CRACD: variants seen among roughly 807,000 people sequenced by gnomAD.
CRACD encodes capping protein-inhibiting regulator of actin dynamics.
A neutral mutation model predicts 106.8 loss-of-function variants in CRACD; 56 were observed. That is an observed-to-expected ratio of 0.52 (90% CI 0.42 to 0.66). CRACD has a LOEUF of 0.66. Ranked by LOEUF, CRACD falls within the 30% of genes least tolerant of loss-of-function variation. CRACD has a pLI of 0.00. For missense variants in CRACD, 1,730 were observed against 1,623.2 expected, an observed-to-expected ratio of 1.07 and a Z score of -1.13; for synonymous variants, 754 against 670.8, an observed-to-expected ratio of 1.12 and a Z score of -1.92.
chr4:56,247,574 G>A (rs1004577672), intron 2 of CRACD, among the ~76,000 whole-genome samples: 5 of 152,126 alleles, frequency 3.3e-5, no homozygotes, highest in Non-Finnish European at 7.4e-5. Context: ...AGCTGGGCAC[G>A]GTGGCTCATG....
intron 1 of CRACD, among the ~76,000 whole-genome samples, chr4:56,123,823 A>G (rs1031292046): frequency 2.0e-5 from 3 of 152,190 alleles, no homozygotes; most frequent in African/African-American, 2.4e-5. Context: ...CCTAGACTGT[A>G]TTCAGTAAAT....
intron 1 of CRACD, among the ~76,000 whole-genome samples, chr4:56,086,351 C>T (rs1231587279): frequency 6.6e-6 from 1 of 152,108 alleles, no homozygotes; most frequent in African/African-American, 2.4e-5. Context: ...AATCATGGCT[C>T]ATTACAGCCT....
chr4:56,092,444 A>G (rs1433000604), intron 1 of CRACD, among the ~76,000 whole-genome samples: 1 of 152,208 alleles, frequency 6.6e-6, no homozygotes, highest in African/African-American at 2.4e-5. Flanking sequence ...AAATTGAAGC[A>G]TTCTGTAAGT....
chr4:56,308,973 G>C, intron 5 of CRACD: 1 of 1,183,886 alleles, frequency 8.4e-7, no homozygotes, highest in South Asian at 1.3e-5. Flanking sequence ...TTCTACAAGG[G>C]GCCCCCCATC....
intron 2 of CRACD, among the ~76,000 whole-genome samples, chr4:56,264,321 C>T (rs1037326631): frequency 3.3e-5 from 5 of 151,976 alleles, no homozygotes; most frequent in African/African-American, 1.2e-4. Context: ...TTATAGTAGT[C>T]CCCCTGAATA....
At chr4:56,232,560 A>C (rs892578862) in intron 2 of CRACD, among the ~76,000 whole-genome samples, 4 of 152,166 alleles carry the variant, frequency 2.6e-5, no homozygotes, top group Non-Finnish European at 5.9e-5. Flanking sequence ...GCAATTACCC[A>C]AGTGTTTTCT....
chr4:56,083,696 T>G (rs1033849143), intron 1 of CRACD, among the ~76,000 whole-genome samples: 2 of 152,152 alleles, frequency 1.3e-5, no homozygotes. Context: ...TTTCCTAGGC[T>G]AGGTATGGTG....
chr4:56,110,993 G>A (rs1734103033), intron 1 of CRACD, among the ~76,000 whole-genome samples: 5 of 152,172 alleles, frequency 3.3e-5, no homozygotes, highest in Admixed American at 2.6e-4. Context: ...GTCACTCAGG[G>A]TGCAGTTTGG....
At chr4:56,289,114 C>T (rs775158443) in intron 3 of CRACD, among the ~76,000 whole-genome samples, 5 of 151,842 alleles carry the variant, frequency 3.3e-5, no homozygotes, top group African/African-American at 7.3e-5. Context: ...CCAGGGACTG[C>T]GGAGAGGGGA....
At chr4:56,325,783 TA>T (rs1188860377) in intron 10 of CRACD, among the ~76,000 whole-genome samples, 2 of 152,216 alleles carry the variant, frequency 1.3e-5, no homozygotes, top group African/African-American at 4.8e-5. Flanking sequence ...AAAGGGCGTC[TA>T]ATCTCTAGAC....
chr4:56,096,714 C>T (rs757214667), intron 1 of CRACD, among the ~76,000 whole-genome samples: 3 of 151,816 alleles, frequency 2.0e-5, no homozygotes, highest in African/African-American at 4.8e-5. Context: ...GAGAAGTGAC[C>T]ATTGGATTTA....
chr4:56,314,970 C>T lies in CRACD; in HGVS notation c.1468C>T (p.Pro490Ser), dbSNP rs963072559. 2.5e-6 allele frequency: 4 copies of T among 1,588,440 alleles called. No homozygotes were observed. Among genetic ancestry groups the T allele is most frequent in the African/African-American group, 2.7e-5 (2 of 74,690 alleles). ...AAAGAGAGAAGAAGGGGACACGGAGCCTCTCCTGAAACAAGAGGGGCCGGT... is the reference window on the plus strand; with the variant it reads ...AAAGAGAGAAGAAGGGGACACGGAGTCTCTCCTGAAACAAGAGGGGCCGGT... ...EEKREEGDTE[P>S]LLKQEGPVEA... The change falls in exon 8 of 11, where the codon CCT (proline) becomes TCT (serine). Residue 490 changes from proline to serine, a missense_variant. By Grantham distance (74) the Pro-to-Ser change is moderately conservative. This residue lies in a region of CRACD where 1,620 missense variants were observed against 1,481.6 expected (regional missense o/e 1.09). Transcript: ENST00000682029. The surrounding 1 kb of genome is among the most constrained non-coding windows in gnomAD (Gnocchi z 4.4).
chr4:56,076,910 GT>G (rs917897770), intron 1 of CRACD, among the ~76,000 whole-genome samples: 7 of 151,736 alleles, frequency 4.6e-5, no homozygotes, highest in African/African-American at 7.3e-5. Flanking sequence ...TTGAACATAG[GT>G]TTTTTTTTAA....
chr4:56,213,971 T>C (rs1398942306), intron 2 of CRACD, among the ~76,000 whole-genome samples: 1 of 152,238 alleles, frequency 6.6e-6, no homozygotes, highest in Non-Finnish European at 1.5e-5. Flanking sequence ...CTGAATGGTC[T>C]CATTCAGGGT....
intron 2 of CRACD, among the ~76,000 whole-genome samples, chr4:56,213,572 TC>T (rs1405826295): frequency 6.6e-6 from 1 of 152,070 alleles, no homozygotes; most frequent in East Asian, 1.9e-4. Context: ...TCAGAGAGAC[TC>T]CAGTACAGCC....
rs1428067602 is a variant in CRACD at position 56,260,271 on chromosome 4, G to A, written c.-188-12050G>A. Among the ~76,000 whole-genome samples, 4 of 152,052 alleles carry A rather than the reference G, an allele frequency of 2.6e-5. No homozygotes were observed. The South Asian group carries it at 8.3e-4, about 32-fold the overall frequency. ...TAATGATAGTTAACTTTCTCTCTCC[G>A]TATTTAAGTTGCAGAATATCAGAGA... On this transcript the variant is annotated intron_variant, in intron 2 of 10. Coordinates refer to ENST00000682029, the MANE Select transcript of CRACD (RefSeq NM_001393381.1).
At chr4:56,083,584 C>A (rs1043255916) in intron 1 of CRACD, among the ~76,000 whole-genome samples, 2 of 151,704 alleles carry the variant, frequency 1.3e-5, no homozygotes, top group Admixed American at 1.3e-4. Flanking sequence ...AATAGAAAAA[C>A]ACTTCACATT....
At position 56,257,326 on chromosome 4, in the gene CRACD, C is replaced by A. The variant is rs538169414; in HGVS notation, c.-188-14995C>A. Among the ~76,000 whole-genome samples, 4 of 152,128 alleles carry A rather than the reference C, an allele frequency of 2.6e-5. No individual in the cohort carries two copies. The South Asian group carries it at 6.2e-4, about 24-fold the overall frequency. ...CAAATTCCTGACCTCAGGTGATCCA[C>A]CTGCCTTGGCCTCCTAAAGTGCTGG... On this transcript the variant is annotated intron_variant, in intron 2 of 10. Coordinates refer to ENST00000682029, the MANE Select transcript of CRACD (RefSeq NM_001393381.1).
intron 2 of CRACD, among the ~76,000 whole-genome samples, chr4:56,253,107 A>G (rs769040394): frequency 1.1e-4 from 16 of 152,180 alleles, no homozygotes; most frequent in Admixed American, 3.3e-4. Context: ...CCCTAGGAGT[A>G]GAGACCTGCA....
Sources: gnomAD v4.1 joint callset for allele counts (sites outside exome capture counted in the v4.1 genomes callset) on GRCh38, gnomAD v4.1.1 for gene constraint, gnomAD v4.1.1 regional missense constraint, Gnocchi (gnomAD v3.1) non-coding constraint, MANE v1.5 for transcripts, NCBI Gene and HGNC (gene_info 2026-07-23, HGNC 2026-07-21) for gene names.